TCF7L2: variants seen among roughly 807,000 people sequenced by gnomAD.
The protein encoded by TCF7L2 is transcription factor 7-like 2.
In TCF7L2, 23 loss-of-function variants were observed where a neutral mutation model predicts 77.9. The observed-to-expected ratio is 0.30, with a 90% CI of 0.21 to 0.42. The LOEUF (loss-of-function observed/expected upper bound fraction) is 0.42. TCF7L2 is among the 10% of genes least tolerant of loss of function. The pLI is 1.00. For missense variants in TCF7L2, 654 were observed against 793.1 expected (o/e 0.82, Z 2.11); for synonymous variants, 413 against 340.2 (o/e 1.21, Z -2.36).
intron 12 of TCF7L2, among the ~76,000 whole-genome samples, chr10:113,159,577 T>C (rs1156270412): frequency 6.6e-6 from 1 of 152,116 alleles, no homozygotes; most frequent in Non-Finnish European, 1.5e-5. Flanking sequence ...AGGAAAAATA[T>C]TTAAGAGTTA....
At chr10:113,041,751 C>T (rs2052492852) in intron 5 of TCF7L2, among the ~76,000 whole-genome samples, 1 of 152,010 alleles carries the variant, frequency 6.6e-6, no homozygotes, top group Admixed American at 6.5e-5. Context: ...CAGTTCTAGA[C>T]ACCTAGAGAG....
intron 5 of TCF7L2, among the ~76,000 whole-genome samples, chr10:113,059,022 G>T (rs1237893110): frequency 2.6e-5 from 4 of 152,110 alleles, no homozygotes; most frequent in Non-Finnish European, 5.9e-5. Flanking sequence ...CGCCCCCCAT[G>T]CCCCAAAAGG....
rs2074085034 is a variant in TCF7L2, at chr10:113,167,406, G to A, written c.*1434G>A. The A allele has an allele frequency of 4.4e-6, 1 of 225,360 alleles. No individual in the cohort carries two copies. Among genetic ancestry groups the A allele is most frequent in the Non-Finnish European group, 8.8e-6 (1 of 113,268 alleles). 14.0% of individuals were successfully genotyped at this position (225,360 alleles called of 1,614,324 possible). On this transcript the variant is annotated 3_prime_UTR_variant, in exon 14 of 14. Coordinates refer to ENST00000627217, the MANE Select transcript of TCF7L2 (RefSeq NM_001146274.2). ...AAAATGCTGTATAAAGCTGAAACCT[G>A]TTCATTCAGTGCCATTGTAGTTGAC... is the stretch of plus-strand genomic sequence containing the variant.
At chr10:113,002,495 GC>G (rs1305325698) in intron 4 of TCF7L2, among the ~76,000 whole-genome samples, 3 of 152,272 alleles carry the variant, frequency 2.0e-5, no homozygotes, top group Middle Eastern at 6.8e-3. Context: ...GAGTCATCCA[GC>G]CCAACATGTC....
intron 5 of TCF7L2, among the ~76,000 whole-genome samples, chr10:113,044,353 G>GA (rs1175872705): frequency 6.6e-6 from 1 of 152,198 alleles, no homozygotes; most frequent in East Asian, 1.9e-4. Context: ...TTTTGTTTCT[G>GA]AAGAGTTCAG....
intron 4 of TCF7L2, among the ~76,000 whole-genome samples, chr10:112,984,667 T>G (rs1158577758): frequency 6.6e-6 from 1 of 151,998 alleles, no homozygotes; most frequent in Non-Finnish European, 1.5e-5. Flanking sequence ...TGTATGGCAG[T>G]GGGGAAGAAT....
At chr10:113,095,450 C>A (rs550763113) in intron 5 of TCF7L2, among the ~76,000 whole-genome samples, 1 of 152,262 alleles carries the variant, frequency 6.6e-6, no homozygotes, top group Non-Finnish European at 1.5e-5. Flanking sequence ...GTCTTTTAGG[C>A]TAAATGAGCG....
chr10:113,020,953 C>T (rs2048178637), intron 4 of TCF7L2, among the ~76,000 whole-genome samples: 1 of 152,178 alleles, frequency 6.6e-6, no homozygotes, highest in Non-Finnish European at 1.5e-5. Context: ...CATTGTCACA[C>T]AGCAGTTGAG....
intron 8 of TCF7L2, 47 bp downstream of exon 8, chr10:113,146,144 C>T (rs372071264): frequency 4.9e-5 from 78 of 1,581,084 alleles, no homozygotes; most frequent in Non-Finnish European, 6.6e-5. Context: ...TGTGTGACTT[C>T]TCAAGAAGTT....
At chr10:113,158,316 T>C (rs2072390695) in intron 12 of TCF7L2, among the ~76,000 whole-genome samples, 1 of 152,038 alleles carries the variant, frequency 6.6e-6, no homozygotes, top group African/African-American at 2.4e-5. Context: ...TTAAAATAAC[T>C]GCAGAGCCTA....
At chr10:112,999,237 G>A (rs542881561) in intron 4 of TCF7L2, among the ~76,000 whole-genome samples, 1 of 152,306 alleles carries the variant, frequency 6.6e-6, no homozygotes, top group East Asian at 1.9e-4. Context: ...TGTAATAGAC[G>A]ACTTCACATG....
intron 5 of TCF7L2, among the ~76,000 whole-genome samples, chr10:113,069,420 G>A (rs181452251): frequency 6.6e-6 from 1 of 152,052 alleles, no homozygotes; most frequent in African/African-American, 2.4e-5. Context: ...AGTAGAGACA[G>A]GGTTTCACCA....
chr10:113,121,127 A>AG (rs2064701045), intron 5 of TCF7L2, among the ~76,000 whole-genome samples: 1 of 152,200 alleles, frequency 6.6e-6, no homozygotes, highest in Non-Finnish European at 1.5e-5. Flanking sequence ...GTAATCTTAG[A>AG]GGAAGGGTAA....
At chr10:113,094,560 A>C (rs1214011011) in intron 5 of TCF7L2, among the ~76,000 whole-genome samples, 1 of 152,238 alleles carries the variant, frequency 6.6e-6, no homozygotes, top group Non-Finnish European at 1.5e-5. Context: ...TTATATAAAG[A>C]AGCAGATGAG....
chr10:112,961,365 C>A (rs1292064397), intron 3 of TCF7L2, among the ~76,000 whole-genome samples: 2 of 151,424 alleles, frequency 1.3e-5, no homozygotes, highest in Non-Finnish European at 2.9e-5. Flanking sequence ...TCATCTTGTC[C>A]TGGACTTCGC....
At chr10:113,102,430 T>G (rs1365325848) in intron 5 of TCF7L2, among the ~76,000 whole-genome samples, 27 of 149,964 alleles carry the variant, frequency 1.8e-4, no homozygotes, top group Non-Finnish European at 1.5e-5. Context: ...TTTGTTTGTT[T>G]TTTTTTTTTT....
At chr10:113,120,615 GA>G (rs1290779972) in intron 5 of TCF7L2, among the ~76,000 whole-genome samples, 1 of 152,204 alleles carries the variant, frequency 6.6e-6, no homozygotes, top group Non-Finnish European at 1.5e-5. Flanking sequence ...GGAGTGTTCA[GA>G]GGCAGAATGT....
intron 5 of TCF7L2, chr10:113,126,981 G>T (rs958202675): frequency 2.1e-6 from 2 of 938,212 alleles, no homozygotes; most frequent in African/African-American, 1.8e-5. Flanking sequence ...TGTCCAGTCC[G>T]CATGCATGCT....
At chr10:112,951,150 T>C (rs2134189567) in intron 1 of TCF7L2, 57 bp from the exon 2 acceptor site, 1 of 1,418,776 alleles carries the variant, frequency 7.0e-7, no homozygotes, top group Non-Finnish European at 9.6e-7. Context: ...CTCCCCCTTC[T>C]CCCCCTTCTG....
Sources: gnomAD v4.1 joint callset for allele counts (sites outside exome capture counted in the v4.1 genomes callset) on GRCh38, gnomAD v4.1.1 for gene constraint, MANE v1.5 for transcripts, NCBI Gene and HGNC (gene_info 2026-07-23, HGNC 2026-07-21) for gene names.